PEBP4: variants seen among roughly 807,000 people sequenced by gnomAD.
PEBP4 encodes phosphatidylethanolamine-binding protein 4.
In PEBP4, 22 loss-of-function variants were observed where a neutral mutation model predicts 23.9. The ratio of observed to expected loss-of-function variants is 0.92; its 90% CI spans 0.66 to 1.31. The LOEUF is 1.31. Among genes scored for constraint, PEBP4 ranks in the 40% most tolerant of loss-of-function variants. PEBP4 has a pLI of 0.00. For missense variants in PEBP4, 324 were observed against 281.7 expected (o/e 1.15, Z -1.07); for synonymous variants, 112 against 99.3 (o/e 1.13, Z -0.76).
At chr8:22,760,663 T>C (rs1460306487) in intron 4 of PEBP4, among the ~76,000 whole-genome samples, 4 of 152,120 alleles carry the variant, frequency 2.6e-5, no homozygotes, top group East Asian at 1.9e-4. Context: ...CTACAGGGCC[T>C]GTACCATGCC....
chr8:22,932,747 G>C (rs1809477704), upstream of PEBP4, among the ~76,000 whole-genome samples: 1 of 152,158 alleles, frequency 6.6e-6, no homozygotes, highest in Non-Finnish European at 1.5e-5. Flanking sequence ...GCTCATGCCT[G>C]TAATCCCAGT....
chr8:22,770,765 A>G (rs532068935), intron 4 of PEBP4, among the ~76,000 whole-genome samples: 24 of 152,346 alleles, frequency 1.6e-4, no homozygotes, highest in Non-Finnish European at 2.6e-4. Context: ...TCATCTTCAC[A>G]TTAGCAGTTC....
intron 4 of PEBP4, among the ~76,000 whole-genome samples, chr8:22,729,241 C>A (rs757038586): frequency 1.3e-5 from 2 of 152,256 alleles, no homozygotes; most frequent in African/African-American, 4.8e-5. Flanking sequence ...AGCTCTTCTG[C>A]CACCCGAGCA....
intron 3 of PEBP4, among the ~76,000 whole-genome samples, chr8:22,825,157 T>C (rs1382615173): frequency 3.3e-5 from 5 of 152,246 alleles, no homozygotes; most frequent in Non-Finnish European, 7.3e-5. Context: ...AGCAAATGTT[T>C]GGCAGATGTG....
At chr8:22,741,300 C>G (rs765600238) in intron 4 of PEBP4, among the ~76,000 whole-genome samples, 1 of 152,182 alleles carries the variant, frequency 6.6e-6, no homozygotes, top group African/African-American at 2.4e-5. Context: ...TGCCTGCCTT[C>G]GTCAACCCAG....
chr8:22,895,277 T>G (rs1349511621), intron 3 of PEBP4, among the ~76,000 whole-genome samples: 1 of 152,052 alleles, frequency 6.6e-6, no homozygotes, highest in African/African-American at 2.4e-5. Context: ...AAAGCTAAGG[T>G]GACAGAAGTT....
At chr8:22,874,813 C>T (rs1005399569) in intron 3 of PEBP4, among the ~76,000 whole-genome samples, 3 of 152,064 alleles carry the variant, frequency 2.0e-5, no homozygotes, top group Admixed American at 6.6e-5. Context: ...AAAGAAAATC[C>T]GATAACTGAA....
intron 3 of PEBP4, among the ~76,000 whole-genome samples, chr8:22,834,905 G>A (rs1807168273): frequency 6.6e-6 from 1 of 152,170 alleles, no homozygotes; most frequent in African/African-American, 2.4e-5. Context: ...ATCAGCCCAG[G>A]ATTCAGCCCC....
At chr8:22,884,786 G>A (rs1275094193) in intron 3 of PEBP4, 1 of 152,066 alleles carries the variant, frequency 6.6e-6, no homozygotes, top group Non-Finnish European at 1.5e-5. Context: ...CCTTAATTTT[G>A]CTGCATCCTC....
At chr8:22,715,093 G>C (rs1804384635) in intron 6 of PEBP4, among the ~76,000 whole-genome samples, 1 of 152,240 alleles carries the variant, frequency 6.6e-6, no homozygotes, top group Admixed American at 6.5e-5. Flanking sequence ...GGCAGGGATG[G>C]GGAAAGGCCT....
chr8:22,893,822 G>A (rs75982240), intron 3 of PEBP4, among the ~76,000 whole-genome samples: 1 of 152,038 alleles, frequency 6.6e-6, no homozygotes, highest in Non-Finnish European at 1.5e-5. Context: ...ACATCTTCAA[G>A]TAGCCAAATA....
chr8:22,723,027 C>G (rs966529935), intron 6 of PEBP4, among the ~76,000 whole-genome samples: 11 of 151,452 alleles, frequency 7.3e-5, no homozygotes, highest in Non-Finnish European at 1.5e-4. Flanking sequence ...GTGATCCGCC[C>G]ACCTCAGTCT....
At chr8:22,869,214 T>C (rs998160588) in intron 3 of PEBP4, among the ~76,000 whole-genome samples, 2 of 152,240 alleles carry the variant, frequency 1.3e-5, no homozygotes, top group African/African-American at 4.8e-5. Flanking sequence ...CCTATTTATG[T>C]TGTAAATGTC....
chr8:22,888,937 G>T (rs549246612), intron 3 of PEBP4, among the ~76,000 whole-genome samples: 1 of 152,178 alleles, frequency 6.6e-6, no homozygotes, highest in African/African-American at 2.4e-5. Flanking sequence ...GGCTTACTCC[G>T]CCAGGAAGCC....
intron 3 of PEBP4, among the ~76,000 whole-genome samples, chr8:22,818,302 TA>T: frequency 6.6e-6 from 1 of 151,954 alleles, no homozygotes; most frequent in Non-Finnish European, 1.5e-5. Flanking sequence ...TTGTTCTAGG[TA>T]AAAGACGCAG....
At chr8:22,828,998 G>A (rs988244079) in intron 3 of PEBP4, among the ~76,000 whole-genome samples, 6 of 152,054 alleles carry the variant, frequency 3.9e-5, no homozygotes, top group Admixed American at 3.3e-4. Flanking sequence ...ATGTCTACTG[G>A]GAGTAGTCTT....
At chr8:22,849,017 T>C (rs1250840887) in intron 3 of PEBP4, among the ~76,000 whole-genome samples, 1 of 152,222 alleles carries the variant, frequency 6.6e-6, no homozygotes, top group Non-Finnish European at 1.5e-5. Flanking sequence ...AGCATGTCCA[T>C]GGAGCAAGAG....
At chr8:22,874,698 C>T (rs1357037111) in intron 3 of PEBP4, among the ~76,000 whole-genome samples, 1 of 152,140 alleles carries the variant, frequency 6.6e-6, no homozygotes, top group Non-Finnish European at 1.5e-5. Context: ...AATGTAAATG[C>T]AGTGCTTTCT....
intron 3 of PEBP4, among the ~76,000 whole-genome samples, chr8:22,835,180 AC>A (rs1807175961): frequency 6.6e-6 from 1 of 152,232 alleles, no homozygotes; most frequent in Non-Finnish European, 1.5e-5. Flanking sequence ...GGTATAGTTT[AC>A]TGATCTGCAA....
Sources: allele counts gnomAD v4.1 joint callset (sites outside exome capture counted in the v4.1 genomes callset), GRCh38; gene constraint gnomAD v4.1.1; transcripts MANE v1.5; gene names NCBI Gene and HGNC (gene_info 2026-07-23, HGNC 2026-07-21).